LRRC4C: variants seen among roughly 807,000 people sequenced by gnomAD.
The protein encoded by LRRC4C is leucine rich repeat containing 4C.
LRRC4C carries 5 observed loss-of-function variants against 33.6 expected under a neutral mutation model. The ratio of observed to expected loss-of-function variants is 0.15; its 90% confidence interval spans 0.08 to 0.31. LRRC4C has a LOEUF of 0.31. Ranked by LOEUF, LRRC4C falls within the 10% of genes least tolerant of loss-of-function variation. The pLI, the probability that LRRC4C is intolerant of heterozygous loss-of-function variation, is 1.00. For missense variants in LRRC4C, 560 were observed against 796.7 expected (o/e 0.70, Z 3.58); for synonymous variants, 329 against 302.0 (o/e 1.09, Z -0.93).
intron 2 of LRRC4C, among the ~76,000 whole-genome samples, chr11:40,851,832 C>A (rs1953517426): frequency 6.6e-6 from 1 of 152,074 alleles, no homozygotes; most frequent in Non-Finnish European, 1.5e-5. Flanking sequence ...CCTTTTCAGC[C>A]AGCATCTGTC....
At chr11:40,462,982 T>TA (rs11397730) in intron 3 of LRRC4C, among the ~76,000 whole-genome samples, 60,535 of 151,608 alleles carry the variant, frequency 0.4, 12,384 homozygotes, top group East Asian at 0.54. Flanking sequence ...AGATCATCCG[T>TA]AATATGAAGT....
At chr11:40,151,633 G>A (rs1479963941) in intron 5 of LRRC4C, among the ~76,000 whole-genome samples, 1 of 152,188 alleles carries the variant, frequency 6.6e-6, no homozygotes, top group Non-Finnish European at 1.5e-5. Context: ...ATGGAAATAT[G>A]CTACAGTTGT....
intron 1 of LRRC4C, among the ~76,000 whole-genome samples, chr11:41,104,449 AAG>A (rs1941378754): frequency 6.6e-6 from 1 of 151,956 alleles, no homozygotes; most frequent in South Asian, 2.1e-4. Context: ...TATAATGGAA[AAG>A]AGAGATAATA....
intron 1 of LRRC4C, among the ~76,000 whole-genome samples, chr11:40,984,871 G>A (rs533279689): frequency 4.7e-4 from 60 of 127,170 alleles, no homozygotes; most frequent in Non-Finnish European, 8.2e-4. Flanking sequence ...ACATTATCAC[G>A]ACAACTCTGT....
intron 1 of LRRC4C, among the ~76,000 whole-genome samples, chr11:41,191,335 G>A (rs887150678): frequency 3.9e-5 from 6 of 152,106 alleles, no homozygotes; most frequent in Non-Finnish European, 5.9e-5. Context: ...ATGCAAAAAC[G>A]TTCCTGATTT....
Position 40,990,231 on chromosome 11 carries a change from TTATATATATATATA to T in LRRC4C, c.-495-56522_-495-56509del, listed in dbSNP as rs761772952. On this transcript the variant is annotated intron_variant, in intron 1 of 6. Coordinates refer to ENST00000528697, the MANE Select transcript of LRRC4C (RefSeq NM_001258419.2). ...AAATATTTGAATAGTATGTCAAGTT[TTATATATATATATA>T]TATATATATATATATATATATATAT... 3.3e-3 allele frequency among the ~76,000 whole-genome samples: 258 copies of T among 78,250 alleles called. 2 individuals carry two copies. Among genetic ancestry groups the T allele is most frequent in the African/African-American group, 0.01 (230 of 22,794 alleles). The allele number at this position is 78,250 out of a possible 152,430, so 51.3% of individuals were successfully genotyped here.
intron 1 of LRRC4C, among the ~76,000 whole-genome samples, chr11:41,019,149 C>CCTGT (rs1317500502): frequency 1.3e-5 from 2 of 151,948 alleles, no homozygotes; most frequent in East Asian, 1.9e-4. Flanking sequence ...TACCTATTGA[C>CCTGT]CTGTCCTCTA....
intron 3 of LRRC4C, among the ~76,000 whole-genome samples, chr11:40,557,124 G>A (rs1957362140): frequency 1.3e-5 from 2 of 151,982 alleles, no homozygotes; most frequent in South Asian, 4.1e-4. Context: ...TAAAATGGTG[G>A]TTATTTTTGG....
intron 1 of LRRC4C, among the ~76,000 whole-genome samples, chr11:41,190,779 G>A (rs1239518398): frequency 6.6e-6 from 1 of 152,184 alleles, no homozygotes; most frequent in Non-Finnish European, 1.5e-5. Flanking sequence ...TGTATCTGCA[G>A]AATGTTGGGT....
intron 3 of LRRC4C, among the ~76,000 whole-genome samples, chr11:40,332,852 C>G (rs555788951): frequency 1.3e-5 from 2 of 152,328 alleles, no homozygotes; most frequent in South Asian, 4.1e-4. Context: ...CCTTCATCTT[C>G]TGTTCCCATT....
intron 1 of LRRC4C, among the ~76,000 whole-genome samples, chr11:41,124,219 G>A (rs1942622955): frequency 1.3e-5 from 2 of 152,076 alleles, no homozygotes; most frequent in Non-Finnish European, 2.9e-5. Flanking sequence ...AGAGAAGTTA[G>A]GTATTATTAG....
At chr11:41,434,737 A>G (rs1315993315) in intron 1 of LRRC4C, among the ~76,000 whole-genome samples, 1 of 152,156 alleles carries the variant, frequency 6.6e-6, no homozygotes, top group Non-Finnish European at 1.5e-5. Flanking sequence ...CTGCTTGGGA[A>G]GTCCACAGGG....
At chr11:40,612,020 C>T (rs1283045516) in intron 3 of LRRC4C, among the ~76,000 whole-genome samples, 4 of 151,778 alleles carry the variant, frequency 2.6e-5, no homozygotes, top group African/African-American at 2.4e-5. Flanking sequence ...CCATATGACC[C>T]CAAAATCCCA....
chr11:41,035,353 T>C (rs1857001193), intron 1 of LRRC4C, among the ~76,000 whole-genome samples: 1 of 152,084 alleles, frequency 6.6e-6, no homozygotes, highest in Admixed American at 6.6e-5. Flanking sequence ...ATTAGATATT[T>C]TTCCTAATGC....
At chr11:40,640,237 C>T (rs1281508342) in intron 3 of LRRC4C, among the ~76,000 whole-genome samples, 1 of 152,066 alleles carries the variant, frequency 6.6e-6, no homozygotes, top group Non-Finnish European at 1.5e-5. Flanking sequence ...TCTAGCTTAG[C>T]TTTGAAAATA....
chr11:40,999,900 C>T lies in LRRC4C; in HGVS notation c.-495-66177G>A, dbSNP rs867949838. On this transcript the variant is annotated intron_variant, in intron 1 of 6. Transcript: ENST00000528697. ...AAAGATGAATAAGAGTTTCCTGTGA[C>T]AGAAGGGAGAAAGGCAACAAAGAGG... Among the ~76,000 whole-genome samples the T allele has an allele frequency of 1.6e-4, 25 of 152,074 alleles. 1 individual carries two copies. Among genetic ancestry groups the T allele is most frequent in the Middle Eastern group, 3.4e-3 (1 of 294 alleles).
intron 1 of LRRC4C, among the ~76,000 whole-genome samples, chr11:41,259,254 A>T (rs11036324): frequency 0.045 from 6,911 of 152,098 alleles, 199 homozygotes; most frequent in South Asian, 0.074. Context: ...GAACATTTTC[A>T]AATCTCTCTT....
intron 2 of LRRC4C, among the ~76,000 whole-genome samples, chr11:40,772,610 T>A (rs753779134): frequency 2.0e-5 from 3 of 152,174 alleles, no homozygotes; most frequent in Non-Finnish European, 4.4e-5. Flanking sequence ...ATGCTCAACA[T>A]CACTGATTAC....
At chr11:40,340,521 T>C (rs1946819916) in intron 3 of LRRC4C, among the ~76,000 whole-genome samples, 1 of 152,154 alleles carries the variant, frequency 6.6e-6, no homozygotes, top group African/African-American at 2.4e-5. Flanking sequence ...ATAATATTAA[T>C]ATGTATAAGT....
Sources: gnomAD v4.1 joint callset for allele counts (sites outside exome capture counted in the v4.1 genomes callset) on GRCh38, gnomAD v4.1.1 for gene constraint, MANE v1.5 for transcripts, NCBI Gene and HGNC (gene_info 2026-07-23, HGNC 2026-07-21) for gene names.